The following ERBB4 variants were observed in gnomAD, a reference collection of about 807,000 sequenced individuals.
ERBB4 encodes receptor tyrosine-protein kinase erbB-4.
ERBB4 carries 42 observed loss-of-function variants against 158.0 expected under a neutral mutation model. The ratio of observed to expected loss-of-function variants is 0.27; its 90% CI spans 0.21 to 0.34. The LOEUF (loss-of-function observed/expected upper bound fraction) is 0.34. ERBB4 is among the 10% of genes least tolerant of loss of function. The pLI is 1.00. For synonymous variants in ERBB4, 583 were observed against 558.7 expected (o/e 1.04, Z -0.61); for missense variants, 1,333 against 1,624.1 (o/e 0.82, Z 3.08).
At chr2:211,955,350 C>T (rs1013630059) in intron 2 of ERBB4, among the ~76,000 whole-genome samples, 2 of 151,972 alleles carry the variant, frequency 1.3e-5, no homozygotes, top group African/African-American at 4.8e-5. Context: ...CTTAGCTCAC[C>T]TCCCTAGAAT....
chr2:212,505,231 G>A (rs1476926990), intron 1 of ERBB4, among the ~76,000 whole-genome samples: 4 of 152,068 alleles, frequency 2.6e-5, no homozygotes, highest in African/African-American at 7.2e-5. Context: ...CGAGTAGCGG[G>A]GATTAGAGAC....
intron 1 of ERBB4, among the ~76,000 whole-genome samples, chr2:212,161,973 T>C (rs955268260): frequency 6.6e-6 from 1 of 151,904 alleles, no homozygotes; most frequent in Admixed American, 6.6e-5. Flanking sequence ...CAAGTAGCAC[T>C]GTTATATATT....
At chr2:212,380,164 A>G (rs1243431375) in intron 1 of ERBB4, among the ~76,000 whole-genome samples, 2 of 151,294 alleles carry the variant, frequency 1.3e-5, no homozygotes, top group Non-Finnish European at 3.0e-5. Context: ...TTCTATATCC[A>G]TGGGTTCCAC....
At chr2:211,983,850 T>C (rs1021883303) in intron 2 of ERBB4, among the ~76,000 whole-genome samples, 1 of 152,214 alleles carries the variant, frequency 6.6e-6, no homozygotes, top group African/African-American at 2.4e-5. Flanking sequence ...ACATTCCTTA[T>C]ATTAATGATA....
At chr2:211,475,596 G>A (rs921975380) in intron 20 of ERBB4, among the ~76,000 whole-genome samples, 6 of 151,952 alleles carry the variant, frequency 3.9e-5, no homozygotes, top group Non-Finnish European at 7.4e-5. Context: ...ACCAACTACC[G>A]TATAACCTCG....
intron 1 of ERBB4, among the ~76,000 whole-genome samples, chr2:212,143,523 C>A (rs2080554550): frequency 6.6e-6 from 1 of 151,964 alleles, no homozygotes; most frequent in Non-Finnish European, 1.5e-5. Context: ...CATGAATTAG[C>A]AACGAGGTGA....
At chr2:211,476,685 G>A (rs1574565133) in intron 20 of ERBB4, among the ~76,000 whole-genome samples, 1 of 151,922 alleles carries the variant, frequency 6.6e-6, no homozygotes, top group Non-Finnish European at 1.5e-5. Flanking sequence ...ATATTATGTT[G>A]AATAATGGAA....
chr2:211,483,836 C>A (rs1318765334), intron 20 of ERBB4, among the ~76,000 whole-genome samples: 1 of 152,090 alleles, frequency 6.6e-6, no homozygotes. Context: ...CAGGCATGAA[C>A]CACCGTGCCC....
At chr2:211,637,350 G>A (rs114864097) in intron 16 of ERBB4, among the ~76,000 whole-genome samples, 3,157 of 151,800 alleles carry the variant, frequency 0.021, 104 homozygotes, top group African/African-American at 0.071. Flanking sequence ...AAACAATAAC[G>A]TTTTCAATAT....
chr2:211,513,209 A>G (rs1318125155), intron 20 of ERBB4, among the ~76,000 whole-genome samples: 1 of 152,068 alleles, frequency 6.6e-6, no homozygotes, highest in African/African-American at 2.4e-5. Context: ...GACAAGTTTT[A>G]CAAGTTTTTA....
In ERBB4 at chr2:211,780,318, T is replaced by G. The variant is rs189939975; in HGVS notation, c.556+7707A>C. Among the ~76,000 whole-genome samples, 562 of 152,262 alleles carry G rather than the reference T, an allele frequency of 3.7e-3. 5 individuals are homozygous for G. Among genetic ancestry groups the G allele is most frequent in the African/African-American group, 0.013 (527 of 41,550 alleles). ...GGTCGAGGCTCCAGTGAGCTGTGAT[T>G]GCACCACTGCACTCCAACTGGGTGA... On this transcript the variant is annotated intron_variant, in intron 4 of 27. Transcript: ENST00000342788.
intron 2 of ERBB4, among the ~76,000 whole-genome samples, chr2:211,950,812 C>T (rs1305418378): frequency 3.3e-5 from 5 of 151,990 alleles, no homozygotes; most frequent in Admixed American, 6.6e-5. Context: ...ATGCATTGTT[C>T]GTACACAGCA....
chr2:211,790,074 A>C (rs1025375979), intron 3 of ERBB4, among the ~76,000 whole-genome samples: 1 of 152,074 alleles, frequency 6.6e-6, no homozygotes, highest in African/African-American at 2.4e-5. Flanking sequence ...TACAACCTTC[A>C]TCAAAGCAGA....
intron 20 of ERBB4, among the ~76,000 whole-genome samples, chr2:211,536,742 A>G (rs1391920512): frequency 1.3e-5 from 2 of 152,038 alleles, no homozygotes; most frequent in African/African-American, 2.4e-5. Context: ...ATAGCTGAGG[A>G]ATATGTCCTC....
chr2:211,954,781 TA>T (rs745398067), intron 2 of ERBB4, among the ~76,000 whole-genome samples: 23 of 152,096 alleles, frequency 1.5e-4, no homozygotes, highest in Non-Finnish European at 3.1e-4. Context: ...TAAATTTCCC[TA>T]GGCAATTAAT....
rs534149885 is a variant in ERBB4, at chr2:211,652,853, A to G, written c.1946+4901T>C. Among the ~76,000 whole-genome samples, 10 of 152,320 alleles carry G rather than the reference A, an allele frequency of 6.6e-5. No individual in the cohort carries two copies. In the East Asian group the frequency reaches 1.7e-3, roughly 26 times the overall value. On this transcript the variant is annotated intron_variant, in intron 16 of 27. Transcript: ENST00000342788. ...TTTGAAGAGTTATTAGTCAGTTAAC[A>G]CATGGACTGCTAACTAACACAAAGA... is the stretch of plus-strand genomic sequence containing the variant.
At chr2:211,894,338 A>T (rs1156537668) in intron 3 of ERBB4, among the ~76,000 whole-genome samples, 1 of 147,842 alleles carries the variant, frequency 6.8e-6, no homozygotes. Context: ...GCATATTCTC[A>T]CTCATAGTTG....
chr2:212,406,667 TCA>T (rs1231480890), intron 1 of ERBB4, among the ~76,000 whole-genome samples: 1 of 152,170 alleles, frequency 6.6e-6, no homozygotes. Flanking sequence ...TAAAAACCTC[TCA>T]GAGACTCATC....
At chr2:211,566,859 A>T (rs1266987219) in intron 19 of ERBB4, among the ~76,000 whole-genome samples, 1 of 152,176 alleles carries the variant, frequency 6.6e-6, no homozygotes, top group Non-Finnish European at 1.5e-5. Context: ...TTTTTTGTGT[A>T]TATGAAAGTC....
Sources: allele counts gnomAD v4.1 joint callset (sites outside exome capture counted in the v4.1 genomes callset), GRCh38; gene constraint gnomAD v4.1.1; transcripts MANE v1.5; gene names NCBI Gene and HGNC (gene_info 2026-07-23, HGNC 2026-07-21).